Variants in RMDN2 observed in about 807,000 individuals in gnomAD.
The protein encoded by RMDN2 is regulator of microtubule dynamics 2.
Under a neutral mutation model 52.8 loss-of-function variants are expected in RMDN2, and 61 were observed. The ratio of observed to expected loss-of-function variants is 1.16; its 90% CI spans 0.94 to 1.43. The LOEUF is 1.43. Ranked by LOEUF, RMDN2 falls within the 40% of genes most tolerant of loss-of-function variation. The probability of loss-of-function intolerance (pLI) is 0.00; values close to 1 mark genes in which losing one functional copy is unlikely to be tolerated. For synonymous variants in RMDN2, 180 were observed against 153.1 expected, an observed-to-expected ratio of 1.18 and a Z score of -1.30; for missense variants, 592 against 475.3, an observed-to-expected ratio of 1.25 and a Z score of -2.28.
chr2:38,005,349 C>G (rs1365357406), intron 10 of RMDN2, among the ~76,000 whole-genome samples: 1 of 152,216 alleles, frequency 6.6e-6, no homozygotes, highest in East Asian at 1.9e-4. Context: ...TTCTCCACAT[C>G]CTCTCCAGCA....
At chr2:38,048,223 A>T (rs1386730544) in intron 10 of RMDN2, among the ~76,000 whole-genome samples, 1 of 152,036 alleles carries the variant, frequency 6.6e-6, no homozygotes, top group Non-Finnish European at 1.5e-5. Context: ...ATTTTCTTAC[A>T]CTCCTTCTTC....
At chr2:37,989,731 G>T in intron 6 of RMDN2, 115 bp downstream of exon 6, 1 of 617,642 alleles carries the variant, frequency 1.6e-6, no homozygotes, top group Non-Finnish European at 2.7e-6. Context: ...GTATAAACCA[G>T]ATTATTCAAC....
chr2:37,955,804 G>T (rs768707646), intron 2 of RMDN2, among the ~76,000 whole-genome samples: 4 of 151,978 alleles, frequency 2.6e-5, no homozygotes, highest in Non-Finnish European at 4.4e-5. Flanking sequence ...CCCAGTCTCG[G>T]GTATGTCTTT....
chr2:37,964,362 GTTTTTGGTATGTTATGTTTTCA>G (rs2125032449), intron 2 of RMDN2, among the ~76,000 whole-genome samples: 1 of 152,296 alleles, frequency 6.6e-6, no homozygotes, highest in African/African-American at 2.4e-5. Context: ...CATCCCATAA[GTTTTTGGTATGTTATGTTTTCA>G]TTTTCATTTG....
chr2:38,026,580 T>C (rs1679796983), intron 10 of RMDN2, among the ~76,000 whole-genome samples: 1 of 152,186 alleles, frequency 6.6e-6, no homozygotes, highest in African/African-American at 2.4e-5. Context: ...GTCATTGATA[T>C]AAGACTTTAC....
At position 37,952,505 on chromosome 2, in the gene RMDN2, C is replaced by T. The variant is rs1036961865; in HGVS notation, c.453-21535C>T. The T allele has an allele frequency of 7.3e-5, 32 of 438,206 alleles. No individual in the cohort carries two copies. The Admixed American group carries it at 1.2e-3, about 16-fold the overall frequency. The allele number at this position is 438,206 out of a possible 1,614,324, so 27.1% of individuals were successfully genotyped here. A position where few individuals can be genotyped will look rare whatever the true frequency, so the allele number is the denominator to read the frequency against. On this transcript the variant is annotated intron_variant, in intron 2 of 10. Coordinates refer to ENST00000354545, the MANE Select transcript of RMDN2 (RefSeq NM_001170791.3). ...GTGACTATTATAATACTTTTGTGGTCTGAAAATAACATCAAGCCTTGATGT... is the reference window on the plus strand; with the variant it reads ...GTGACTATTATAATACTTTTGTGGTTTGAAAATAACATCAAGCCTTGATGT...
chr2:37,942,204 G>T (rs1437832791), intron 2 of RMDN2, among the ~76,000 whole-genome samples: 1 of 152,100 alleles, frequency 6.6e-6, no homozygotes, highest in Non-Finnish European at 1.5e-5. Context: ...ATCCCACCCG[G>T]CTTCACCTCA....
intron 5 of RMDN2, among the ~76,000 whole-genome samples, chr2:37,985,481 T>C (rs899769823): frequency 6.6e-6 from 1 of 152,146 alleles, no homozygotes; most frequent in African/African-American, 2.4e-5. Flanking sequence ...TAACATTTTT[T>C]GGACAAGATG....
intron 10 of RMDN2, among the ~76,000 whole-genome samples, chr2:38,040,339 A>C (rs903922972): frequency 1.3e-5 from 2 of 152,138 alleles, no homozygotes; most frequent in Non-Finnish European, 2.9e-5. Context: ...GCTGGAACTT[A>C]ATGCCCGATA....
intron 4 of RMDN2, 144 bp from the exon 5 acceptor site, chr2:37,981,139 C>T: frequency 1.5e-6 from 1 of 657,584 alleles, no homozygotes; most frequent in Non-Finnish European, 2.8e-6. Flanking sequence ...TCCAATGTGG[C>T]TGAAAAGTTC....
At chr2:37,975,700 T>TAA (rs528973543) in intron 4 of RMDN2, among the ~76,000 whole-genome samples, 1 of 151,006 alleles carries the variant, frequency 6.6e-6, no homozygotes, top group African/African-American at 2.4e-5. Flanking sequence ...TAAAGTGTAA[T>TAA]AAAAAAAAAG....
intron 2 of RMDN2, among the ~76,000 whole-genome samples, chr2:37,946,897 C>T (rs1334917346): frequency 1.3e-5 from 2 of 152,040 alleles, no homozygotes; most frequent in South Asian, 2.1e-4. Flanking sequence ...ACTTGTTGAC[C>T]TAGAATATAT....
At chr2:38,046,798 T>A (rs1325357324) in intron 10 of RMDN2, among the ~76,000 whole-genome samples, 1 of 151,906 alleles carries the variant, frequency 6.6e-6, no homozygotes, top group Non-Finnish European at 1.5e-5. Context: ...GCCTGGCCAA[T>A]ATGGTGAAAC....
At chr2:37,963,657 C>G (rs978356437) in intron 2 of RMDN2, among the ~76,000 whole-genome samples, 30 of 152,218 alleles carry the variant, frequency 2.0e-4, no homozygotes, top group Non-Finnish European at 3.7e-4. Context: ...TCAACAGCAT[C>G]CCAAGGCAGA....
chr2:37,940,642 A>G (rs548699903), intron 2 of RMDN2, among the ~76,000 whole-genome samples: 13 of 151,932 alleles, frequency 8.6e-5, no homozygotes, highest in South Asian at 4.2e-4. Context: ...TTGATCTTCA[A>G]TCTCTCATAT....
chr2:37,968,388 G>A (rs760183226), intron 2 of RMDN2, among the ~76,000 whole-genome samples: 19 of 143,976 alleles, frequency 1.3e-4, no homozygotes, highest in Admixed American at 1.5e-4. Context: ...GCAGTGAGCC[G>A]TGATCACACC....
downstream of RMDN2, among the ~76,000 whole-genome samples, chr2:38,019,914 G>A (rs1679211951): frequency 2.0e-5 from 3 of 152,068 alleles, no homozygotes; most frequent in South Asian, 4.2e-4. Context: ...AGCACTCTGG[G>A]TGACAGAGTG....
chr2:37,963,015 C>T (rs563928356), intron 2 of RMDN2: 1 of 152,722 alleles, frequency 6.5e-6, no homozygotes, highest in African/African-American at 2.4e-5. Context: ...TTGGCTCGCC[C>T]TATGTGGGCT....
intron 10 of RMDN2, among the ~76,000 whole-genome samples, chr2:38,026,175 T>C (rs1679767685): frequency 6.6e-6 from 1 of 152,152 alleles, no homozygotes; most frequent in African/African-American, 2.4e-5. Context: ...TGGAGTGATC[T>C]TTGGTAGTTT....
Sources: allele counts gnomAD v4.1 joint callset (sites outside exome capture counted in the v4.1 genomes callset), GRCh38; gene constraint gnomAD v4.1.1; transcripts MANE v1.5; gene names NCBI Gene and HGNC (gene_info 2026-07-23, HGNC 2026-07-21).